The following DNAH3 variants were observed in gnomAD, a reference collection of about 807,000 sequenced individuals.
The protein encoded by DNAH3 is dynein axonemal heavy chain 3, also known as axonemal beta dynein heavy chain 3.
In DNAH3, 332 loss-of-function variants were observed where a neutral mutation model predicts 432.5. The ratio of observed to expected loss-of-function variants is 0.77; its 90% confidence interval spans 0.70 to 0.84. The LOEUF (loss-of-function observed/expected upper bound fraction) is 0.84, where lower values mean the gene tolerates loss of function less well. DNAH3 is among the 40% of genes least tolerant of loss of function. The probability of loss-of-function intolerance (pLI) is 0.00; values close to 1 mark genes in which losing one functional copy is unlikely to be tolerated. For missense variants in DNAH3, 4,861 were observed against 5,114.0 expected (o/e 0.95, Z 1.51); for synonymous variants, 1,956 against 1,900.2 (o/e 1.03, Z -0.76).
At chr16:20,950,355 G>T (rs1035014022) in intron 56 of DNAH3, among the ~76,000 whole-genome samples, 2 of 152,064 alleles carry the variant, frequency 1.3e-5, no homozygotes, top group African/African-American at 4.8e-5. Flanking sequence ...TGTGTTGTGG[G>T]GACCACCTTG....
chr16:21,059,101 G>A (rs1161337687), intron 26 of DNAH3, among the ~76,000 whole-genome samples: 1 of 152,110 alleles, frequency 6.6e-6, no homozygotes, highest in African/African-American at 2.4e-5. Context: ...CAAAGCTACA[G>A]TACCCATTTA....
chr16:20,938,793 T>C (rs2083694360), intron 59 of DNAH3, among the ~76,000 whole-genome samples: 1 of 152,192 alleles, frequency 6.6e-6, no homozygotes, highest in African/African-American at 2.4e-5. Flanking sequence ...TTTTTTTCTT[T>C]TGAGACAGGG....
At chr16:21,066,499 C>G (rs142927394) in intron 24 of DNAH3, among the ~76,000 whole-genome samples, 1 of 152,146 alleles carries the variant, frequency 6.6e-6, no homozygotes, top group Non-Finnish European at 1.5e-5. Flanking sequence ...TCCAGAGTAG[C>G]TGGGACCATG....
chr16:21,108,871 T>C (rs563514969), intron 14 of DNAH3, among the ~76,000 whole-genome samples: 1 of 152,052 alleles, frequency 6.6e-6, no homozygotes, highest in Admixed American at 6.6e-5. Flanking sequence ...CCTGTAATCT[T>C]AGCACTTTGG....
chr16:21,037,348 C>A (rs1212872597), intron 34 of DNAH3, among the ~76,000 whole-genome samples: 1 of 151,980 alleles, frequency 6.6e-6, no homozygotes, highest in Non-Finnish European at 1.5e-5. Context: ...GTAATTTCTC[C>A]CCCAAATAAT....
At chr16:21,086,872 T>C (rs555281479) in exon 19 of DNAH3, 5 of 1,614,194 alleles carry the variant, frequency 3.1e-6, no homozygotes, top group Middle Eastern at 3.3e-4. Flanking sequence ...CGGTCTTTCA[T>C]TCCTGGGTTG....
At chr16:21,116,026 G>A (rs1270928000) in intron 12 of DNAH3, among the ~76,000 whole-genome samples, 3 of 152,030 alleles carry the variant, frequency 2.0e-5, no homozygotes, top group African/African-American at 4.8e-5. Context: ...AGCCCACCAC[G>A]CACAGGACAG....
At chr16:21,082,870 G>C (rs1256745354) in intron 19 of DNAH3, among the ~76,000 whole-genome samples, 1 of 150,584 alleles carries the variant, frequency 6.6e-6, no homozygotes, top group Non-Finnish European at 1.5e-5. Context: ...CGTTATATTT[G>C]TACTAGTCAC....
intron 39 of DNAH3, among the ~76,000 whole-genome samples, chr16:21,023,975 C>T (rs2088400013): frequency 6.6e-6 from 1 of 152,106 alleles, no homozygotes; most frequent in Non-Finnish European, 1.5e-5. Context: ...GGGAGACTTT[C>T]CTAAGCATTC....
Position 20,936,750 on chromosome 16 carries a change from C to A in DNAH3, c.11758G>T (p.Val3920Leu), listed in dbSNP as rs1434927200. The change falls in exon 60 of 62, where the codon GTG becomes TTG. Residue 3920 changes from valine (V) to leucine (L), a missense_variant. Transcript: ENST00000261383. ...GCCCACATGGCTGGCACTTTACCCA[C>A]AAGCATGCTGTTAAAGACTTCCTCT... The A allele has an allele frequency of 6.2e-7, 1 of 1,612,774 alleles. No homozygotes were observed. Among genetic ancestry groups the A allele is most frequent in the Non-Finnish European group, 8.5e-7 (1 of 1,179,604 alleles).
chr16:21,051,233 A>T (rs113649819), intron 29 of DNAH3, among the ~76,000 whole-genome samples: 23 of 152,348 alleles, frequency 1.5e-4, no homozygotes, highest in African/African-American at 5.3e-4. Context: ...TGAGTTCCAC[A>T]GAAAATGTCA....
chr16:20,963,247 G>A, intron 53 of DNAH3, 37 bp downstream of exon 53: 1 of 1,586,976 alleles, frequency 6.3e-7, no homozygotes, highest in Non-Finnish European at 8.6e-7. Flanking sequence ...ACACATACTG[G>A]GCTTTCCACG....
chr16:20,933,120 A>G (rs570609254), exon 62 of DNAH3: 7 of 1,573,398 alleles, frequency 4.4e-6, no homozygotes, highest in South Asian at 2.3e-5. Context: ...AAAGAATGAA[A>G]TGCTTTTTAT....
intron 11 of DNAH3, among the ~76,000 whole-genome samples, chr16:21,119,448 G>A (rs981201551): frequency 2.6e-5 from 4 of 151,940 alleles, no homozygotes; most frequent in African/African-American, 4.8e-5. Flanking sequence ...CCTGGGCAAC[G>A]TGGCGGAACC....
Position 21,145,971 on chromosome 16 carries a change from C to T in DNAH3, c.222+13G>A. The T allele has an allele frequency of 6.4e-7, 1 of 1,559,346 alleles. No homozygotes were observed. The highest frequency in any genetic ancestry group is 8.8e-7 in the Non-Finnish European group (1 of 1,130,288). On this transcript the variant is annotated intron_variant, in intron 2 of 61. Transcript: ENST00000261383. The stretch of plus-strand genomic sequence containing the variant: ...CACCCTCAACAGAAGAGCTGGCAGC[C>T]AGGTGTGCATACCTGATAGAGTCCA...
chr16:20,980,898 C>T (rs2085866025), intron 49 of DNAH3, among the ~76,000 whole-genome samples: 1 of 152,182 alleles, frequency 6.6e-6, no homozygotes, highest in South Asian at 2.1e-4. Context: ...CACATGATAT[C>T]TGTCACAGTT....
At chr16:20,944,466 G>T (rs200635733) in intron 58 of DNAH3, 30 bp downstream of exon 58, 2 of 1,612,892 alleles carry the variant, frequency 1.2e-6, no homozygotes, top group Non-Finnish European at 8.5e-7. Context: ...TGGGAAATAG[G>T]ATTAAGCCCC....
rs750083438 is a variant in DNAH3 at position 21,098,787 on chromosome 16, C to G, written c.2367-18G>C. The G allele has an allele frequency of 1.2e-6, 2 of 1,605,962 alleles. No homozygotes were observed. Among genetic ancestry groups the G allele is most frequent in the Non-Finnish European group, 1.7e-6 (2 of 1,177,464 alleles). On this transcript the variant is annotated intron_variant, in intron 16 of 61. Transcript: ENST00000261383. ...CTGAGCATCTGAAAATAAAGACAGC[C>G]TGGTTACCTTTGGACTTTGCATTTT...
In DNAH3 at chr16:21,106,454, A is replaced by G. The variant is rs747280219; in HGVS notation, c.2284+36T>C. ...ACAAATATAAAATATACATATAGGT[A>G]TGCATTTCGATGGTCACACATGGCA... On this transcript the variant is annotated intron_variant, in intron 15 of 61. Coordinates refer to ENST00000261383, the Ensembl canonical transcript of DNAH3. 4 of 1,496,324 alleles carry G rather than the reference A, an allele frequency of 2.7e-6. No homozygotes were observed. The South Asian group carries it at 5.4e-5, about 20-fold the overall frequency. The allele number at this position is 1,496,324 out of a possible 1,614,324, so 92.7% of individuals were successfully genotyped here.
Sources: gnomAD v4.1 joint callset for allele counts (sites outside exome capture counted in the v4.1 genomes callset) on GRCh38, gnomAD v4.1.1 for gene constraint, MANE v1.5 for transcripts, NCBI Gene and HGNC (gene_info 2026-07-23, HGNC 2026-07-21) for gene names.